GNB5: variants seen among roughly 807,000 people sequenced by gnomAD.
GNB5 encodes G protein subunit beta 5, also known as guanine nucleotide-binding protein subunit beta-5.
In GNB5, 37 loss-of-function variants were observed where a neutral mutation model predicts 55.3. That is an observed-to-expected ratio of 0.67 (90% confidence interval 0.51 to 0.88). GNB5 has a LOEUF of 0.88. Ranked by LOEUF, GNB5 falls within the 40% of genes least tolerant of loss-of-function variation. The probability of loss-of-function intolerance (pLI) is 0.00; values close to 1 mark genes in which losing one functional copy is unlikely to be tolerated. For missense variants in GNB5, 476 were observed against 515.3 expected, an observed-to-expected ratio of 0.92 and a Z score of 0.74; for synonymous variants, 219 against 198.5, an observed-to-expected ratio of 1.10 and a Z score of -0.87.
At chr15:52,154,562 T>A (rs2034168635) in intron 3 of GNB5, among the ~76,000 whole-genome samples, 1 of 152,186 alleles carries the variant, frequency 6.6e-6, no homozygotes, top group East Asian at 1.9e-4. Context: ...TTCTCCTGCC[T>A]ACCACTCTCT....
At chr15:52,173,262 T>C (rs1390342024) in intron 3 of GNB5, among the ~76,000 whole-genome samples, 1 of 152,118 alleles carries the variant, frequency 6.6e-6, no homozygotes, top group African/African-American at 2.4e-5. Flanking sequence ...CCATTTTAGA[T>C]TAAGGAGTCT....
intron 6 of GNB5, among the ~76,000 whole-genome samples, chr15:52,144,689 G>T (rs2033931419): frequency 6.6e-6 from 1 of 152,132 alleles, no homozygotes; most frequent in South Asian, 2.1e-4. Context: ...GAGACTAAAG[G>T]TATCTGCCCG....
intron 3 of GNB5, among the ~76,000 whole-genome samples, chr15:52,157,676 T>G (rs2034243480): frequency 6.6e-6 from 1 of 152,230 alleles, no homozygotes; most frequent in South Asian, 2.1e-4. Context: ...CATAGCTTTT[T>G]GATAATTTCC....
At chr15:52,149,776 G>A in intron 5 of GNB5, 108 bp downstream of exon 5, 1 of 811,180 alleles carries the variant, frequency 1.2e-6, no homozygotes, top group Non-Finnish European at 2.2e-6. Flanking sequence ...ACTGCTTGCA[G>A]GGATACATGG....
At chr15:52,155,275 C>T (rs1029616294) in intron 3 of GNB5, among the ~76,000 whole-genome samples, 1 of 152,160 alleles carries the variant, frequency 6.6e-6, no homozygotes, top group African/African-American at 2.4e-5. Flanking sequence ...AGGCAGCTGC[C>T]CCTCATGTCT....
intron 3 of GNB5, among the ~76,000 whole-genome samples, chr15:52,170,130 A>G (rs954149700): frequency 6.6e-6 from 1 of 152,252 alleles, no homozygotes; most frequent in African/African-American, 2.4e-5. Flanking sequence ...AAATTAAATT[A>G]GTTCAACCCT....
At chr15:52,125,796 A>C in intron 11 of GNB5, 152 bp downstream of exon 11, 1 of 599,556 alleles carries the variant, frequency 1.7e-6, no homozygotes, top group South Asian at 2.1e-5. Context: ...TCAGAAGCTC[A>C]GAGGAGGAAA....
rs911443433 is a variant in GNB5 at position 52,116,577 on chromosome 15, T to C, written c.*6180A>G. 1.3e-5 allele frequency: 2 copies of C among 152,170 alleles called. No homozygotes were observed. The highest frequency in any genetic ancestry group is 2.4e-5 in the African/African-American group (1 of 41,426). The allele number at this position is 152,170 out of a possible 1,614,324, so 9.4% of individuals were successfully genotyped here. Reference sequence around the variant, plus strand: ...TAATCCCTTAAATGTCTATCATTTGTGTTGGGAATGTGAAAGTTGTTAGAA... The same window carrying C: ...TAATCCCTTAAATGTCTATCATTTGCGTTGGGAATGTGAAAGTTGTTAGAA... On this transcript the variant is annotated 3_prime_UTR_variant, in exon 13 of 13. Transcript: ENST00000261837.
rs1005671912 is a variant in GNB5, at chr15:52,147,465, G to A, written c.488C>T (p.Ala163Val). 1.9e-6 allele frequency: 3 copies of A among 1,584,598 alleles called. No homozygotes were observed. The highest frequency in any genetic ancestry group is 1.7e-5 in the Admixed American group (1 of 59,954). ...TGCTGTAGCTCCAACTTACCCACAAGCAATGGCACATCCCGATGGGGCATA... is the reference window on the plus strand; with the variant it reads ...TGCTGTAGCTCCAACTTACCCACAAACAATGGCACATCCCGATGGGGCATA... Reference protein sequence around the residue: ...CAYAPSGCAIACGGLDNKCSV... With the variant: ...CAYAPSGCAIVCGGLDNKCSV... The change falls in exon 6 of 13, where the codon GCT becomes GTT. Residue 163 changes from alanine (A) to valine (V), a missense_variant. Physicochemically the swap from Ala to Val is moderately conservative, Grantham distance 64. Coordinates refer to ENST00000261837, the MANE Select transcript of GNB5 (RefSeq NM_016194.4).
chr15:52,124,455 G>C lies in GNB5; in HGVS notation c.1176+18C>G. 6.2e-7 allele frequency: 1 copy of C among 1,601,714 alleles called. No homozygotes were observed. Among genetic ancestry groups the C allele is most frequent in the Non-Finnish European group, 8.5e-7 (1 of 1,171,314 alleles). Reference sequence around the variant, plus strand: ...CTCTCCTCTCACACACAGGAAAACAGAAAACCATCCCTCTTACTCTGAGGG... The same window carrying C: ...CTCTCCTCTCACACACAGGAAAACACAAAACCATCCCTCTTACTCTGAGGG... On this transcript the variant is annotated intron_variant, in intron 12 of 12. Transcript: ENST00000261837.
At chr15:52,151,403 G>A (rs551421662) in intron 4 of GNB5, among the ~76,000 whole-genome samples, 5 of 152,276 alleles carry the variant, frequency 3.3e-5, no homozygotes, top group Non-Finnish European at 7.4e-5. Context: ...ACTAAGTGTG[G>A]TCTCCTCGGT....
At chr15:52,161,831 G>T (rs931990352) in intron 3 of GNB5, among the ~76,000 whole-genome samples, 3 of 152,354 alleles carry the variant, frequency 2.0e-5, no homozygotes, top group East Asian at 3.9e-4. Context: ...CAACTGGATG[G>T]CACTTAGAGT....
intron 3 of GNB5, among the ~76,000 whole-genome samples, chr15:52,175,181 C>T (rs950958056): frequency 6.6e-6 from 1 of 152,058 alleles, no homozygotes; most frequent in Non-Finnish European, 1.5e-5. Flanking sequence ...AGGGCAGAGG[C>T]TACTGGGCCA....
intron 1 of GNB5, among the ~76,000 whole-genome samples, chr15:52,189,961 G>T (rs1464501334): frequency 2.6e-5 from 4 of 152,020 alleles, no homozygotes; most frequent in African/African-American, 7.3e-5. Context: ...CTGCTTAAGG[G>T]GTATGGGATT....
chr15:52,178,070 C>G (rs2034687498), intron 3 of GNB5, among the ~76,000 whole-genome samples: 1 of 152,176 alleles, frequency 6.6e-6, no homozygotes, highest in African/African-American at 2.4e-5. Context: ...TGAAAATATC[C>G]AGGCATGCAG....
intron 3 of GNB5, among the ~76,000 whole-genome samples, chr15:52,169,478 C>T (rs2034513526): frequency 8.0e-6 from 1 of 124,428 alleles, no homozygotes; most frequent in African/African-American, 3.0e-5. Flanking sequence ...GCGGAGGTTG[C>T]AGTGAGCAGA....
At chr15:52,164,308 TAAAA>T (rs56029917) in intron 3 of GNB5, among the ~76,000 whole-genome samples, 1 of 50,420 alleles carries the variant, frequency 2.0e-5, no homozygotes, top group African/African-American at 6.8e-5. Context: ...GACTCTGTCT[TAAAA>T]AAAAAAAAAA....
rs754436087 is a variant in GNB5 at position 52,141,214 on chromosome 15, C to A, written c.553G>T (p.Ala185Ser). 2 of 1,613,820 alleles carry A rather than the reference C, an allele frequency of 1.2e-6. No individual in the cohort carries two copies. The highest frequency in any genetic ancestry group is 1.1e-5 in the South Asian group (1 of 91,080). ...ATAGCAACAGACTTCTTTTTGGCAG[C>A]CATGTTTTCATTTTTGTCAAACGTC... ...PLTFDKNENM[A>S]AKKKSVAMHT... The change falls in exon 7 of 13, where the codon GCT becomes TCT. Residue 185 changes from alanine to serine, a missense_variant. Ala to Ser is a moderately conservative substitution (Grantham distance 99). Transcript: ENST00000261837.
At chr15:52,175,550 C>A (rs982261024) in intron 3 of GNB5, among the ~76,000 whole-genome samples, 12 of 151,226 alleles carry the variant, frequency 7.9e-5, no homozygotes, top group African/African-American at 2.9e-4. Flanking sequence ...AACAGCCCGT[C>A]CAACATGGTG....
Sources: gnomAD v4.1 joint callset for allele counts (sites outside exome capture counted in the v4.1 genomes callset) on GRCh38, gnomAD v4.1.1 for gene constraint, MANE v1.5 for transcripts, NCBI Gene and HGNC (gene_info 2026-07-23, HGNC 2026-07-21) for gene names.